The following CXADR variants were observed in gnomAD, a reference collection of about 807,000 sequenced individuals.
CXADR encodes the protein CXADR cell adhesion molecule.
A neutral mutation model predicts 40.3 loss-of-function variants in CXADR; 20 were observed. The ratio of observed to expected loss-of-function variants is 0.50; its 90% CI spans 0.35 to 0.72. CXADR has a LOEUF of 0.72. CXADR is among the 30% of genes least tolerant of loss of function. CXADR has a pLI of 0.01. For synonymous variants in CXADR, 150 were observed against 161.3 expected (o/e 0.93, Z 0.53); for missense variants, 332 against 449.1 (o/e 0.74, Z 2.36).
At chr21:17,539,164 G>T (rs1488482534) in intron 1 of CXADR, among the ~76,000 whole-genome samples, 1 of 152,130 alleles carries the variant, frequency 6.6e-6, no homozygotes, top group Non-Finnish European at 1.5e-5. Flanking sequence ...CTGAGATAAG[G>T]AGTTCAAAGG....
the CXADR span, among the ~76,000 whole-genome samples, chr21:17,622,141 G>A: frequency 6.6e-6 from 1 of 152,122 alleles, no homozygotes; most frequent in African/African-American, 2.4e-5. Context: ...CCACAGAGAT[G>A]GCTAGAATTA....
chr21:17,600,032 ATT>A, the CXADR span, among the ~76,000 whole-genome samples: 1 of 152,148 alleles, frequency 6.6e-6, no homozygotes, highest in Non-Finnish European at 1.5e-5. Flanking sequence ...TCTCATCTTA[ATT>A]TTTTTTAAGG....
At position 17,586,742 on chromosome 21, in the gene CXADR, TTTA is replaced by T. The variant is rs567351575; in HGVS notation, c.1018-6399_1018-6397del. Reference sequence around the variant, plus strand: ...GTTTTGTTTTAGTTTTTTAAAATTTTTTATTATTATTATACTTTAAGTTTTAGG... The same window carrying T: ...GTTTTGTTTTAGTTTTTTAAAATTTTTTATTATTATACTTTAAGTTTTAGG... On this transcript the variant is annotated intron_variant, in intron 7 of 7. Coordinates refer to the CXADR transcript ENST00000400169. 6.6e-5 allele frequency among the ~76,000 whole-genome samples: 10 copies of T among 152,274 alleles called. No homozygotes were observed. The South Asian group carries it at 1.7e-3, about 25-fold the overall frequency.
At chr21:17,575,127 C>CTCATTCTG (rs113115222) in intron 7 of CXADR, among the ~76,000 whole-genome samples, 18 of 151,044 alleles carry the variant, frequency 1.2e-4, no homozygotes, top group Admixed American at 8.6e-4. Context: ...AATGAAGTGT[C>CTCATTCTG]TCATTCTATC....
At chr21:17,543,060 C>A (rs1448989500) in intron 1 of CXADR, 2 of 348,264 alleles carry the variant, frequency 5.7e-6, no homozygotes, top group Non-Finnish European at 5.7e-6. Flanking sequence ...AGGCTTTAAC[C>A]ATTTTTTGAA....
intron 1 of CXADR, among the ~76,000 whole-genome samples, chr21:17,534,032 A>ACACATATATATAGC (rs1423861979): frequency 2.5e-5 from 2 of 81,400 alleles, no homozygotes; most frequent in Non-Finnish European, 4.9e-5. Flanking sequence ...ATATATAGCT[A>ACACATATATATAGC]TATATATATA....
At chr21:17,580,936 G>A (rs1345688149) in intron 7 of CXADR, among the ~76,000 whole-genome samples, 2 of 152,024 alleles carry the variant, frequency 1.3e-5, no homozygotes, top group African/African-American at 4.8e-5. Context: ...TCTTTTGTAG[G>A]GAGGAGGTCT....
chr21:17,521,477 C>G (rs978386528), intron 1 of CXADR, among the ~76,000 whole-genome samples: 6 of 152,134 alleles, frequency 3.9e-5, no homozygotes, highest in African/African-American at 4.8e-5. Flanking sequence ...TGCCCGCCAC[C>G]ACACCTGGCT....
At chr21:17,517,806 C>T (rs1343862235) in intron 1 of CXADR, among the ~76,000 whole-genome samples, 1 of 151,996 alleles carries the variant, frequency 6.6e-6, no homozygotes, top group Admixed American at 6.6e-5. Flanking sequence ...AGAATATTAC[C>T]AAAAGCTGAC....
intron 1 of CXADR, among the ~76,000 whole-genome samples, chr21:17,515,641 C>G (rs1032080146): frequency 6.6e-6 from 1 of 152,042 alleles, no homozygotes; most frequent in East Asian, 1.9e-4. Context: ...GAAACCCCGT[C>G]CCTACTAAAA....
the CXADR span, among the ~76,000 whole-genome samples, chr21:17,625,138 AC>A: frequency 6.6e-6 from 1 of 152,122 alleles, no homozygotes. Flanking sequence ...TTGTTGAATC[AC>A]CAAAAAAGCC....
chr21:17,624,814 C>T, the CXADR span, among the ~76,000 whole-genome samples: 2 of 152,120 alleles, frequency 1.3e-5, no homozygotes, highest in Admixed American at 6.5e-5. Context: ...GCTTGCTGTC[C>T]TGCTACCTGG....
chr21:17,580,818 A>G (rs2061354999), intron 7 of CXADR, among the ~76,000 whole-genome samples: 1 of 152,116 alleles, frequency 6.6e-6, no homozygotes, highest in Non-Finnish European at 1.5e-5. Context: ...AGGGGTGATC[A>G]TGGCTCACTG....
the CXADR span, among the ~76,000 whole-genome samples, chr21:17,622,226 C>G: frequency 1.3e-4 from 20 of 152,264 alleles, no homozygotes; most frequent in African/African-American, 4.8e-4. Context: ...TAAAATTCTG[C>G]TTTGTCAGCA....
chr21:17,531,066 G>A (rs1227151477), intron 1 of CXADR, among the ~76,000 whole-genome samples: 4 of 152,228 alleles, frequency 2.6e-5, no homozygotes, highest in Non-Finnish European at 5.9e-5. Context: ...TTGGGAGGTC[G>A]AGGTGGGTGG....
intron 1 of CXADR, among the ~76,000 whole-genome samples, chr21:17,522,859 G>A (rs1160741331): frequency 6.6e-6 from 1 of 152,068 alleles, no homozygotes; most frequent in African/African-American, 2.4e-5. Flanking sequence ...TCCACTTAAT[G>A]TCTCTACACA....
At chr21:17,630,274 T>G in the CXADR span, among the ~76,000 whole-genome samples, 1 of 152,196 alleles carries the variant, frequency 6.6e-6, no homozygotes, top group South Asian at 2.1e-4. Context: ...CAAAGCACAA[T>G]GAAGCCCAAT....
chr21:17,633,419 T>A, the CXADR span, among the ~76,000 whole-genome samples: 1 of 151,948 alleles, frequency 6.6e-6, no homozygotes, highest in African/African-American at 2.4e-5. Flanking sequence ...AATAGCTGGG[T>A]GAGTTGGTGC....
intron 1 of CXADR, among the ~76,000 whole-genome samples, chr21:17,523,161 T>C (rs1371391677): frequency 6.6e-6 from 1 of 152,200 alleles, no homozygotes; most frequent in East Asian, 1.9e-4. Context: ...TACTGCAGCA[T>C]GTTCTAACCT....
Sources: gnomAD v4.1 joint callset for allele counts (sites outside exome capture counted in the v4.1 genomes callset) on GRCh38, gnomAD v4.1.1 for gene constraint, MANE v1.5 for transcripts, NCBI Gene and HGNC (gene_info 2026-07-23, HGNC 2026-07-21) for gene names.